The following STXBP5L variants were observed in gnomAD, a reference collection of about 807,000 sequenced individuals.
The protein encoded by STXBP5L is syntaxin binding protein 5L.
STXBP5L carries 65 observed loss-of-function variants against 144.5 expected under a neutral mutation model. The observed-to-expected ratio is 0.45, with a 90% CI of 0.37 to 0.55. The LOEUF (loss-of-function observed/expected upper bound fraction) is 0.55, where lower values mean the gene tolerates loss of function less well. Ranked by LOEUF, STXBP5L falls within the 20% of genes least tolerant of loss-of-function variation. STXBP5L has a pLI of 0.00. For missense variants in STXBP5L, 1,298 were observed against 1,405.5 expected (o/e 0.92, Z 1.22); for synonymous variants, 505 against 469.6 (o/e 1.08, Z -0.97).
At chr3:121,004,009 C>T (rs1360938916) in intron 3 of STXBP5L, among the ~76,000 whole-genome samples, 4 of 152,010 alleles carry the variant, frequency 2.6e-5, no homozygotes, top group African/African-American at 7.2e-5. Flanking sequence ...GTTCTTTTGG[C>T]TTAGGATTGA....
rs55947743 is a variant in STXBP5L, at chr3:121,190,701, C to T, written c.878-15222C>T. Among the ~76,000 whole-genome samples the T allele has an allele frequency of 0.012, 132 of 11,342 alleles. No homozygotes were observed. In the South Asian group the frequency reaches 0.18, roughly 16 times the overall value. The allele number at this position is 11,342 out of a possible 152,430, so 7.4% of individuals were successfully genotyped here. A position where few individuals can be genotyped will look rare whatever the true frequency, so the allele number is the denominator to read the frequency against. The stretch of plus-strand genomic sequence containing the variant: ...CGGCGGCTGCCCCCCACCTCCCTGA[C>T]GGGGCGGCTGGCCGGGCGGGGGCTG... On this transcript the variant is annotated intron_variant, in intron 9 of 26. Coordinates refer to ENST00000471454, the MANE Select transcript of STXBP5L (RefSeq NM_001308330.2).
Position 121,422,005 on chromosome 3 carries a change from A to G in STXBP5L, c.*2908A>G, listed in dbSNP as rs531482223. 6 of 152,296 alleles carry G rather than the reference A, an allele frequency of 3.9e-5. No individual in the cohort carries two copies. The South Asian group carries it at 1.2e-3, about 32-fold the overall frequency. 9.4% of individuals were successfully genotyped at this position (152,296 alleles called of 1,614,324 possible). On this transcript the variant is annotated 3_prime_UTR_variant, in exon 27 of 27. Transcript: ENST00000471454. Reference sequence around the variant, plus strand: ...GTTTTACTGTATCAAAATTATTTTTATAATTCAAAGAGATGATAGCAATAA... The same window carrying G: ...GTTTTACTGTATCAAAATTATTTTTGTAATTCAAAGAGATGATAGCAATAA...
At chr3:121,086,127 G>A (rs2042479248) in intron 5 of STXBP5L, among the ~76,000 whole-genome samples, 1 of 152,036 alleles carries the variant, frequency 6.6e-6, no homozygotes, top group African/African-American at 2.4e-5. Flanking sequence ...AATTAAAACT[G>A]GACCCCTTCC....
intron 3 of STXBP5L, among the ~76,000 whole-genome samples, chr3:121,034,376 G>T (rs1256493327): frequency 6.6e-6 from 1 of 152,036 alleles, no homozygotes; most frequent in Non-Finnish European, 1.5e-5. Context: ...CTATAAGTGA[G>T]ACTGTAATAT....
At chr3:120,929,141 G>A (rs563801470) in intron 2 of STXBP5L, among the ~76,000 whole-genome samples, 42 of 152,288 alleles carry the variant, frequency 2.8e-4, no homozygotes, top group African/African-American at 9.9e-4. Flanking sequence ...TCAGTATTGA[G>A]TTGGAAGTGT....
At chr3:121,002,403 T>A (rs571988473) in intron 3 of STXBP5L, among the ~76,000 whole-genome samples, 6 of 152,178 alleles carry the variant, frequency 3.9e-5, no homozygotes, top group African/African-American at 7.2e-5. Context: ...ATTTGAGGGT[T>A]TTTTTTGTTA....
chr3:121,064,967 C>A (rs924263207), intron 5 of STXBP5L, among the ~76,000 whole-genome samples: 4 of 152,154 alleles, frequency 2.6e-5, no homozygotes, highest in African/African-American at 9.7e-5. Context: ...CAATGTTTAG[C>A]TCCCACTTTT....
chr3:121,075,394 A>G (rs919041355), intron 5 of STXBP5L, among the ~76,000 whole-genome samples: 1 of 152,054 alleles, frequency 6.6e-6, no homozygotes, highest in African/African-American at 2.4e-5. Context: ...CTTCCAACTA[A>G]GGCTGCTGCC....
intron 9 of STXBP5L, among the ~76,000 whole-genome samples, chr3:121,186,783 C>T (rs968859700): frequency 4.6e-5 from 7 of 151,418 alleles, no homozygotes; most frequent in Non-Finnish European, 1.0e-4. Flanking sequence ...CAAAAGAAGA[C>T]ATTTATGCAG....
chr3:121,158,759 G>A (rs2046209426), intron 9 of STXBP5L: 1 of 152,072 alleles, frequency 6.6e-6, no homozygotes, highest in South Asian at 2.1e-4. Context: ...CCTTTTATAT[G>A]TAAAAGTATA....
chr3:120,962,897 C>G (rs1180224296), intron 3 of STXBP5L, among the ~76,000 whole-genome samples: 2 of 152,172 alleles, frequency 1.3e-5, no homozygotes, highest in African/African-American at 2.4e-5. Context: ...TTGATTCTTC[C>G]TATCCATGAG....
chr3:121,035,164 G>A (rs369821794), intron 3 of STXBP5L, among the ~76,000 whole-genome samples: 1 of 152,030 alleles, frequency 6.6e-6, no homozygotes, highest in South Asian at 2.1e-4. Context: ...CTGCAGGTTG[G>A]CTATTCGTTC....
At chr3:121,181,314 CAAGAA>C (rs1340797554) in intron 9 of STXBP5L, among the ~76,000 whole-genome samples, 1 of 149,470 alleles carries the variant, frequency 6.7e-6, no homozygotes, top group South Asian at 2.1e-4. Context: ...GAAACTCCAT[CAAGAA>C]AAGAAAAGTA....
At chr3:121,131,851 G>A (rs980660663) in intron 7 of STXBP5L, among the ~76,000 whole-genome samples, 1 of 152,132 alleles carries the variant, frequency 6.6e-6, no homozygotes, top group African/African-American at 2.4e-5. Flanking sequence ...TTCCCTTTGT[G>A]AGAAATGACA....
At chr3:121,415,347 T>C (rs2047208602) in intron 24 of STXBP5L, among the ~76,000 whole-genome samples, 1 of 152,200 alleles carries the variant, frequency 6.6e-6, no homozygotes, top group South Asian at 2.1e-4. Context: ...TGAAAACAAA[T>C]GTACTTCACC....
intron 3 of STXBP5L, among the ~76,000 whole-genome samples, chr3:120,988,673 A>T (rs561788843): frequency 1.3e-3 from 198 of 152,118 alleles, no homozygotes; most frequent in African/African-American, 3.6e-3. Flanking sequence ...TCTTTAAAAA[A>T]TTTTTTTAGA....
At chr3:121,403,960 T>C (rs1206097541) in intron 22 of STXBP5L, among the ~76,000 whole-genome samples, 2 of 152,186 alleles carry the variant, frequency 1.3e-5, no homozygotes, top group Admixed American at 6.6e-5. Flanking sequence ...CTTTTCTCTT[T>C]ATATTGAAGC....
rs555814136 is a variant in STXBP5L, at chr3:121,021,294, G to A, written c.288-20406G>A. Among the ~76,000 whole-genome samples the A allele has an allele frequency of 7.2e-5, 11 of 152,244 alleles. No homozygotes were observed. The South Asian group carries it at 2.1e-3, about 29-fold the overall frequency. On this transcript the variant is annotated intron_variant, in intron 3 of 26. Coordinates refer to ENST00000471454, the MANE Select transcript of STXBP5L (RefSeq NM_001308330.2). ...AATTACTACTAGACCTAAGCAATGAGATAGACAGCAGAACAATAATAGTGT... is the reference window on the plus strand; with the variant it reads ...AATTACTACTAGACCTAAGCAATGAAATAGACAGCAGAACAATAATAGTGT...
At chr3:121,070,629 G>A (rs1359725512) in intron 5 of STXBP5L, among the ~76,000 whole-genome samples, 1 of 152,070 alleles carries the variant, frequency 6.6e-6, no homozygotes, top group Non-Finnish European at 1.5e-5. Context: ...TACCCATCTT[G>A]TGATACCAGT....
Sources: allele counts gnomAD v4.1 joint callset (sites outside exome capture counted in the v4.1 genomes callset), GRCh38; gene constraint gnomAD v4.1.1; transcripts MANE v1.5; gene names NCBI Gene and HGNC (gene_info 2026-07-23, HGNC 2026-07-21).